The following GRID2 variants were observed in gnomAD, a reference collection of about 807,000 sequenced individuals.
GRID2 encodes the protein glutamate receptor ionotropic, delta-2.
In GRID2, 33 loss-of-function variants were observed where a neutral mutation model predicts 114.8. That is an observed-to-expected ratio of 0.29 (90% CI 0.22 to 0.38). The LOEUF (loss-of-function observed/expected upper bound fraction) is 0.38. Among genes scored for constraint, GRID2 ranks in the 10% least tolerant of loss-of-function variants. The pLI, the probability that GRID2 is intolerant of heterozygous loss-of-function variation, is 1.00. For missense variants in GRID2, 1,184 were observed against 1,257.7 expected, an observed-to-expected ratio of 0.94 and a Z score of 0.89; for synonymous variants, 505 against 449.9, an observed-to-expected ratio of 1.12 and a Z score of -1.55.
At chr4:93,756,926 A>G (rs751325363) in intron 14 of GRID2, among the ~76,000 whole-genome samples, 1 of 152,234 alleles carries the variant, frequency 6.6e-6, no homozygotes, top group Non-Finnish European at 1.5e-5. Flanking sequence ...TAAGAAGTGC[A>G]TCAGAAGAAA....
chr4:92,435,330 CA>C (rs1345638263), intron 1 of GRID2, among the ~76,000 whole-genome samples: 5 of 152,076 alleles, frequency 3.3e-5, no homozygotes, highest in Admixed American at 3.3e-4. Context: ...TGTAACTATT[CA>C]AAACAGAAAG....
chr4:93,115,831 C>T (rs1579032686), intron 4 of GRID2, among the ~76,000 whole-genome samples: 1 of 152,066 alleles, frequency 6.6e-6, no homozygotes, highest in African/African-American at 2.4e-5. Flanking sequence ...GAAACTGCTC[C>T]CATGATTCAA....
At chr4:93,697,884 A>ATATATATATATATATAT (rs1727180112) in intron 14 of GRID2, among the ~76,000 whole-genome samples, 1 of 55,412 alleles carries the variant, frequency 1.8e-5, no homozygotes, top group African/African-American at 8.0e-5. Flanking sequence ...TATATATTTC[A>ATATATATATATATATAT]AAACAATACG....
At chr4:92,753,202 T>C (rs2149340285) in intron 2 of GRID2, among the ~76,000 whole-genome samples, 1 of 152,338 alleles carries the variant, frequency 6.6e-6, no homozygotes, top group East Asian at 1.9e-4. Context: ...ATATCAGGTA[T>C]TGTCCTTTAA....
intron 2 of GRID2, among the ~76,000 whole-genome samples, chr4:92,972,244 G>A (rs1753569137): frequency 6.7e-6 from 1 of 149,862 alleles, no homozygotes; most frequent in Admixed American, 6.7e-5. Context: ...TATCCTAACT[G>A]GGGTGAGATG....
rs182962845 is a variant in GRID2 at position 93,787,729 on chromosome 4, T to C, written c.221+18279T>C. Among the ~76,000 whole-genome samples, 359 of 152,330 alleles carry C rather than the reference T, an allele frequency of 2.4e-3. 4 individuals carry two copies. The highest frequency in any genetic ancestry group is 0.014 in the Middle Eastern group (4 of 294). ...GACAGTGTCTGGTATATGAGGGTCATTGAATTACTGCTTGTTGAATTATTG... is the reference window on the plus strand; with the variant it reads ...GACAGTGTCTGGTATATGAGGGTCACTGAATTACTGCTTGTTGAATTATTG... On this transcript the variant is annotated intron_variant, in intron 1 of 1. Transcript: ENST00000637838.
intron 1 of GRID2, among the ~76,000 whole-genome samples, chr4:92,390,472 T>A (rs1730186706): frequency 6.6e-6 from 1 of 152,142 alleles, no homozygotes; most frequent in South Asian, 2.1e-4. Context: ...AAAGGCTGTG[T>A]TTAGTTCTGG....
In GRID2 at chr4:93,395,725, C is replaced by G. The variant is rs763342082; in HGVS notation, c.1347+17C>G. 1 of 1,161,078 alleles carries G rather than the reference C, an allele frequency of 8.6e-7. No homozygotes were observed. Among genetic ancestry groups the G allele is most frequent in the Non-Finnish European group, 1.3e-6 (1 of 773,774 alleles). 71.9% of individuals were successfully genotyped at this position (1,161,078 alleles called of 1,614,324 possible). ...ACTGTTCTGGTAAGTATTATCTGAG[C>G]CTCGTGGTTTTGACTTTTGGAGGTT... is the stretch of plus-strand genomic sequence containing the variant. On this transcript the variant is annotated intron_variant, in intron 9 of 15. Coordinates refer to ENST00000282020, the MANE Select transcript of GRID2 (RefSeq NM_001510.4).
chr4:92,431,786 G>T (rs1197736522), intron 1 of GRID2, among the ~76,000 whole-genome samples: 1 of 152,042 alleles, frequency 6.6e-6, no homozygotes, highest in East Asian at 1.9e-4. Context: ...TGATGCTCGT[G>T]GATGTTCACT....
intron 13 of GRID2, among the ~76,000 whole-genome samples, chr4:93,596,383 C>G (rs1469007474): frequency 1.3e-5 from 2 of 152,044 alleles, no homozygotes; most frequent in East Asian, 3.9e-4. Context: ...TCAAAACCAT[C>G]CTGGCTAACA....
chr4:93,698,667 G>C (rs1226959550), intron 14 of GRID2, among the ~76,000 whole-genome samples: 3 of 151,932 alleles, frequency 2.0e-5, no homozygotes, highest in Non-Finnish European at 4.4e-5. Context: ...AATAAATATT[G>C]ATTTTAGGAA....
chr4:92,953,050 CCT>C (rs1229030130), intron 2 of GRID2, among the ~76,000 whole-genome samples: 1 of 152,138 alleles, frequency 6.6e-6, no homozygotes, highest in Non-Finnish European at 1.5e-5. Context: ...AGGCATTCTC[CCT>C]GTGTGTGTGT....
intron 10 of GRID2, among the ~76,000 whole-genome samples, chr4:93,445,603 A>C (rs2149397719): frequency 6.6e-6 from 1 of 152,130 alleles, no homozygotes; most frequent in Admixed American, 6.6e-5. Context: ...ACACTAACAT[A>C]ATTTAAATTA....
chr4:92,385,906 A>G (rs553136246), intron 1 of GRID2, among the ~76,000 whole-genome samples: 3,275 of 137,882 alleles, frequency 0.024, 127 homozygotes, highest in African/African-American at 0.08. Flanking sequence ...GTGTGTATAT[A>G]TATATATATA....
At chr4:92,642,381 T>C (rs1731399318) in intron 2 of GRID2, among the ~76,000 whole-genome samples, 1 of 151,900 alleles carries the variant, frequency 6.6e-6, no homozygotes, top group Non-Finnish European at 1.5e-5. Context: ...TTGGCATTTC[T>C]CTAATTCGTG....
At chr4:93,531,788 A>G (rs1214967475) in intron 13 of GRID2, among the ~76,000 whole-genome samples, 1 of 152,116 alleles carries the variant, frequency 6.6e-6, no homozygotes, top group Non-Finnish European at 1.5e-5. Context: ...ATTTCTGCAT[A>G]TTACAATACA....
intron 10 of GRID2, among the ~76,000 whole-genome samples, chr4:93,434,867 A>G (rs2149384499): frequency 6.6e-6 from 1 of 152,240 alleles, no homozygotes; most frequent in South Asian, 2.1e-4. Context: ...CTCCAAGCTT[A>G]TGGTACCCCT....
chr4:92,946,512 T>G (rs1026414176), intron 2 of GRID2, among the ~76,000 whole-genome samples: 7 of 152,140 alleles, frequency 4.6e-5, no homozygotes, highest in Admixed American at 1.3e-4. Context: ...ATTATATTAA[T>G]AACTTTTATT....
intron 2 of GRID2, among the ~76,000 whole-genome samples, chr4:92,666,281 A>G (rs938039162): frequency 6.6e-5 from 10 of 151,306 alleles, no homozygotes; most frequent in African/African-American, 9.7e-5. Flanking sequence ...CTCTATTTAT[A>G]TTTTCATTTT....
Sources: gnomAD v4.1 joint callset for allele counts (sites outside exome capture counted in the v4.1 genomes callset) on GRCh38, gnomAD v4.1.1 for gene constraint, MANE v1.5 for transcripts, NCBI Gene and HGNC (gene_info 2026-07-23, HGNC 2026-07-21) for gene names.